Variants in PACRGL observed in about 807,000 individuals in gnomAD.
PACRGL encodes the protein PACRG-like protein.
PACRGL carries 38 observed loss-of-function variants against 34.5 expected under a neutral mutation model. The ratio of observed to expected loss-of-function variants is 1.10; its 90% CI spans 0.85 to 1.44. The LOEUF (loss-of-function observed/expected upper bound fraction) is 1.44. PACRGL is among the 40% of genes most tolerant of loss of function. The pLI, the probability that PACRGL is intolerant of heterozygous loss-of-function variation, is 0.00. For missense variants in PACRGL, 305 were observed against 281.4 expected (o/e 1.08, Z -0.60); for synonymous variants, 128 against 100.1 (o/e 1.28, Z -1.66).
At chr4:20,722,136 A>G (rs901013505) in intron 7 of PACRGL, among the ~76,000 whole-genome samples, 2 of 152,250 alleles carry the variant, frequency 1.3e-5, no homozygotes, top group Non-Finnish European at 2.9e-5. Flanking sequence ...GGCACAGGAT[A>G]TAATCTCCTG....
intron 8 of PACRGL, among the ~76,000 whole-genome samples, chr4:20,751,490 T>C (rs1469122387): frequency 6.6e-6 from 1 of 152,062 alleles, no homozygotes; most frequent in East Asian, 1.9e-4. Context: ...TAGTGCCCTC[T>C]GGAGATGTGA....
intron 7 of PACRGL, among the ~76,000 whole-genome samples, chr4:20,720,443 GGC>G (rs1228028565): frequency 6.6e-6 from 1 of 152,180 alleles, no homozygotes; most frequent in Non-Finnish European, 1.5e-5. Context: ...TTTACAATTT[GGC>G]TTGTTTTTGC....
At chr4:20,709,553 A>G (rs1180533615) in intron 4 of PACRGL, 130 bp from the exon 5 acceptor site, 5 of 574,578 alleles carry the variant, frequency 8.7e-6, no homozygotes, top group Non-Finnish European at 5.9e-6. Context: ...TCCTTGTACT[A>G]TCTTATAAAG....
the PACRGL span, among the ~76,000 whole-genome samples, chr4:20,762,218 G>A: frequency 3.9e-5 from 6 of 152,154 alleles, no homozygotes; most frequent in South Asian, 2.1e-4. Flanking sequence ...TGGAAGGGGC[G>A]AGCTAGCTCT....
downstream of PACRGL, among the ~76,000 whole-genome samples, chr4:20,753,695 A>T (rs1754027721): frequency 6.6e-6 from 1 of 152,212 alleles, no homozygotes; most frequent in Admixed American, 6.5e-5. Context: ...ATATGTGTGA[A>T]TAGTAGCTTC....
downstream of PACRGL, chr4:20,732,901 A>ATTTGTTTGTTTGT: frequency 1.6e-6 from 1 of 639,222 alleles, no homozygotes; most frequent in East Asian, 2.8e-5. Context: ...TGTTTGTTGG[A>ATTTGTTTGTTTGT]TTCTTTGTTA....
chr4:20,737,899 A>G (rs1245709286), intron 8 of PACRGL, among the ~76,000 whole-genome samples: 1 of 152,132 alleles, frequency 6.6e-6, no homozygotes, highest in Non-Finnish European at 1.5e-5. Context: ...TGGGTGGTGG[A>G]GGTGGGAAGG....
At chr4:20,718,949 C>A (rs1741561487) in intron 7 of PACRGL, 1 of 152,182 alleles carries the variant, frequency 6.6e-6, no homozygotes, top group Admixed American at 6.5e-5. Flanking sequence ...AGCTGTGAAT[C>A]CATCTGGTCC....
At chr4:20,734,779 A>C (rs375027078), downstream of PACRGL, 135 of 1,169,178 alleles carry the variant, frequency 1.2e-4, 1 homozygote, top group Middle Eastern at 7.9e-4. Flanking sequence ...ATTTTTAAAA[A>C]AACAAAAACA....
At chr4:20,726,286 C>CT (rs144638524) in intron 8 of PACRGL, among the ~76,000 whole-genome samples, 5,374 of 152,104 alleles carry the variant, frequency 0.035, 146 homozygotes, top group East Asian at 0.092. Flanking sequence ...ATATCAAATT[C>CT]TTTTTTTACT....
chr4:20,757,797 T>C (rs1348954801), downstream of PACRGL, among the ~76,000 whole-genome samples: 1 of 152,044 alleles, frequency 6.6e-6, no homozygotes, highest in African/African-American at 2.4e-5. Context: ...ATAGGTAGGG[T>C]TGTTGGATGG....
rs1747224965 is a variant in PACRGL at position 20,729,455 on chromosome 4, G to GATATCTGATAA, written c.*2115_*2125dup. 1 of 129,404 alleles carries GATATCTGATAA rather than the reference G, an allele frequency of 7.7e-6. No homozygotes were observed. Among genetic ancestry groups the GATATCTGATAA allele is most frequent in the Admixed American group, 8.0e-5 (1 of 12,468 alleles). 8.0% of individuals were successfully genotyped at this position (129,404 alleles called of 1,614,324 possible). A position where few individuals can be genotyped will look rare whatever the true frequency, so the allele number is the denominator to read the frequency against. ...AAATAAGTTTTATTAGGCATATGCT[G>GATATCTGATAA]ATATCTGATAATAAACTAATTTTTA... On this transcript the variant is annotated 3_prime_UTR_variant, in exon 9 of 9. Transcript: ENST00000503585.
intron 7 of PACRGL, among the ~76,000 whole-genome samples, chr4:20,720,862 A>T (rs571626528): frequency 6.6e-6 from 1 of 152,016 alleles, no homozygotes; most frequent in East Asian, 1.9e-4. Context: ...CTGAATTTCA[A>T]TGTTGGCCTG....
chr4:20,748,007 A>G (rs1425637097), intron 8 of PACRGL, among the ~76,000 whole-genome samples: 3 of 152,064 alleles, frequency 2.0e-5, no homozygotes, highest in Non-Finnish European at 4.4e-5. Flanking sequence ...TTCACCTCCA[A>G]TACCTTTACT....
chr4:20,731,540 G>A lies in PACRGL; in HGVS notation c.*4199G>A, dbSNP rs1748207976. The A allele has an allele frequency of 4.1e-6, 4 of 985,366 alleles. No individual in the cohort carries two copies. Among genetic ancestry groups the A allele is most frequent in the Non-Finnish European group, 4.8e-6 (4 of 829,924 alleles). 61.0% of individuals were successfully genotyped at this position (985,366 alleles called of 1,614,324 possible). A position where few individuals can be genotyped will look rare whatever the true frequency, so the allele number is the denominator to read the frequency against. On this transcript the variant is annotated 3_prime_UTR_variant, in exon 9 of 9. Coordinates refer to ENST00000503585, the MANE Select transcript of PACRGL (RefSeq NM_001258345.3). The stretch of plus-strand genomic sequence containing the variant: ...GACCATTAGTGAGTTCAGTCAAAGA[G>A]CCATTTCTTGTCCACATACACTAAA...
chr4:20,707,266 C>T (rs1280484668), intron 3 of PACRGL, among the ~76,000 whole-genome samples: 1 of 152,058 alleles, frequency 6.6e-6, no homozygotes. Flanking sequence ...TCATATATAG[C>T]AAAACTGAAA....
chr4:20,745,648 G>A (rs528469156), intron 8 of PACRGL, among the ~76,000 whole-genome samples: 1 of 152,238 alleles, frequency 6.6e-6, no homozygotes, highest in South Asian at 2.1e-4. Context: ...ACCGAATTCT[G>A]GTTTCCATTC....
chr4:20,766,529 A>T, the PACRGL span, among the ~76,000 whole-genome samples: 43 of 152,152 alleles, frequency 2.8e-4, no homozygotes, highest in Non-Finnish European at 5.4e-4. Flanking sequence ...TCACGCCACT[A>T]TACTCCAGCC....
intron 8 of PACRGL, among the ~76,000 whole-genome samples, chr4:20,750,022 T>C (rs1033762276): frequency 3.3e-5 from 5 of 152,154 alleles, no homozygotes; most frequent in African/African-American, 1.2e-4. Context: ...AATGGTCCCA[T>C]AGGTGGATGT....
Sources: gnomAD v4.1 joint callset for allele counts (sites outside exome capture counted in the v4.1 genomes callset) on GRCh38, gnomAD v4.1.1 for gene constraint, MANE v1.5 for transcripts, NCBI Gene and HGNC (gene_info 2026-07-23, HGNC 2026-07-21) for gene names.